HEATR1: variants seen among roughly 807,000 people sequenced by gnomAD.
HEATR1 encodes HEAT repeat containing 1, also known as HEAT repeat-containing protein 1.
HEATR1 carries 77 observed loss-of-function variants against 248.2 expected under a neutral mutation model. The ratio of observed to expected loss-of-function variants is 0.31; its 90% CI spans 0.26 to 0.37. HEATR1 has a LOEUF of 0.37. Ranked by LOEUF, HEATR1 falls within the 10% of genes least tolerant of loss-of-function variation. HEATR1 has a pLI of 1.00. For missense variants in HEATR1, 2,420 were observed against 2,504.9 expected (o/e 0.97, Z 0.72); for synonymous variants, 897 against 923.1 (o/e 0.97, Z 0.51).
rs915538579 is a variant in HEATR1, at chr1:236,595,412, G to C, written c.1090+128C>G. On this transcript the variant is annotated intron_variant, in intron 8 of 44. Transcript: ENST00000366582. ...CCAGATGTTTCTCACTTAAGAAATA[G>C]ACAAGTTACACAAGAACAACTGGAA... is the stretch of plus-strand genomic sequence containing the variant. The C allele has an allele frequency of 1.4e-5, 10 of 725,194 alleles. No individual in the cohort carries two copies. The South Asian group carries it at 2.4e-4, about 17-fold the overall frequency. 44.9% of individuals were successfully genotyped at this position (725,194 alleles called of 1,614,324 possible). A position where few individuals can be genotyped will look rare whatever the true frequency, so the allele number is the denominator to read the frequency against.
intron 36 of HEATR1, among the ~76,000 whole-genome samples, chr1:236,557,665 T>A (rs1663013999): frequency 6.6e-6 from 1 of 152,222 alleles, no homozygotes; most frequent in Non-Finnish European, 1.5e-5. Context: ...TGTCTCTGTT[T>A]TATAGACAGC....
At position 236,571,350 on chromosome 1, in the gene HEATR1, C is replaced by A; in HGVS notation, c.3948+1G>T. ...TAAAATCTTATATCATTAACGCTTA[C>A]CGGAAATATTCCAGCAACAGTGCCC... On this transcript the variant is annotated splice_donor_variant, in intron 28 of 44. Coordinates refer to ENST00000366582, the MANE Select transcript of HEATR1 (RefSeq NM_018072.6). LOFTEE classifies it high-confidence loss of function. 1.3e-6 allele frequency: 2 copies of A among 1,589,500 alleles called. No homozygotes were observed. Among genetic ancestry groups the A allele is most frequent in the African/African-American group, 1.4e-5 (1 of 73,280 alleles).
chr1:236,585,674 A>G (rs138013096), intron 16 of HEATR1, 146 bp downstream of exon 16: 1 of 649,152 alleles, frequency 1.5e-6, no homozygotes, highest in Non-Finnish European at 2.6e-6. Flanking sequence ...AGAATATATT[A>G]AACAACACTG....
chr1:236,556,061 C>G, intron 38 of HEATR1, 39 bp downstream of exon 38: 2 of 1,612,826 alleles, frequency 1.2e-6, no homozygotes, highest in Non-Finnish European at 1.7e-6. Context: ...AGTACCACCT[C>G]TCCCTTCTCC....
intron 8 of HEATR1, among the ~76,000 whole-genome samples, chr1:236,594,650 A>G (rs937435280): frequency 1.3e-5 from 2 of 152,218 alleles, no homozygotes; most frequent in African/African-American, 4.8e-5. Flanking sequence ...TCAAACCAAG[A>G]TTTGGTTACA....
chr1:236,598,394 A>G (rs754625793), intron 4 of HEATR1, among the ~76,000 whole-genome samples: 4 of 152,196 alleles, frequency 2.6e-5, no homozygotes, highest in Non-Finnish European at 4.4e-5. Context: ...CCCACCATCT[A>G]GCGTTGTACA....
chr1:236,553,981 G>A (rs1662862868), intron 42 of HEATR1, among the ~76,000 whole-genome samples: 1 of 152,172 alleles, frequency 6.6e-6, no homozygotes, highest in Non-Finnish European at 1.5e-5. Flanking sequence ...CTTTGCTCCA[G>A]AGGACAGCCA....
At chr1:236,586,122 C>A in intron 15 of HEATR1, 119 bp downstream of exon 15, 1 of 1,239,238 alleles carries the variant, frequency 8.1e-7, no homozygotes, top group Admixed American at 2.9e-5. Flanking sequence ...TTTATCTTGG[C>A]AAAAATTTTA....
chr1:236,551,033 T>A (rs538792739), intron 44 of HEATR1, 43 bp from the exon 45 acceptor site: 1 of 1,426,080 alleles, frequency 7.0e-7, no homozygotes, highest in Non-Finnish European at 9.5e-7. Context: ...TCTGAGTCAG[T>A]CCGCCTGCCT....
chr1:236,590,766 G>A, intron 12 of HEATR1, 81 bp downstream of exon 12: 1 of 559,898 alleles, frequency 1.8e-6, no homozygotes, highest in Admixed American at 3.8e-5. Context: ...CCACTTAGGT[G>A]GTAACTTCAA....
chr1:236,568,680 T>C (rs1572038170), intron 29 of HEATR1, among the ~76,000 whole-genome samples: 1 of 152,158 alleles, frequency 6.6e-6, no homozygotes, highest in Non-Finnish European at 1.5e-5. Flanking sequence ...CTGAAATAGA[T>C]GGTGGATGTC....
At chr1:236,554,356 C>A (rs575172497) in intron 42 of HEATR1, among the ~76,000 whole-genome samples, 1 of 152,324 alleles carries the variant, frequency 6.6e-6, no homozygotes, top group Non-Finnish European at 1.5e-5. Context: ...TGCACCACTG[C>A]ACTCCAGCCT....
rs1209664211 is a variant in HEATR1, at chr1:236,572,597, T to C, written c.3564-43A>G. 13 of 1,611,454 alleles carry C rather than the reference T, an allele frequency of 8.1e-6. No individual in the cohort carries two copies. In the African/African-American group the frequency reaches 1.1e-4, roughly 13 times the overall value. On this transcript the variant is annotated intron_variant, in intron 25 of 44. Transcript: ENST00000366582. The stretch of plus-strand genomic sequence containing the variant: ...CAAAACGTTGGAAAAGCAAACTCTA[T>C]CATGTGCTAAGTAAAAACCATTGTG...
intron 41 of HEATR1, among the ~76,000 whole-genome samples, 171 bp from the exon 42 acceptor site, chr1:236,554,923 T>C (rs1662915170): frequency 6.6e-6 from 1 of 152,234 alleles, no homozygotes; most frequent in Non-Finnish European, 1.5e-5. Flanking sequence ...CGAAGAATGA[T>C]TCCTTCTTTT....
Position 236,561,280 on chromosome 1 carries a change from TAA to T in HEATR1, c.4600-11_4600-10del. 6.2e-7 allele frequency: 1 copy of T among 1,606,424 alleles called. No individual in the cohort carries two copies. The highest frequency in any genetic ancestry group is 1.7e-5 in the Admixed American group (1 of 59,978). ...CCACCACTCTCAACTACCTAATTTTTAAAGAAGACGTCATTAGAACGGTAGGG... is the reference window on the plus strand; with the variant it reads ...CCACCACTCTCAACTACCTAATTTTTAGAAGACGTCATTAGAACGGTAGGG... On this transcript the variant is annotated splice_polypyrimidine_tract_variant and intron_variant, in intron 32 of 44. Transcript: ENST00000366582.
intron 35 of HEATR1, 35 bp from the exon 36 acceptor site, chr1:236,558,564 AGCTGC>A (rs1421237700): frequency 2.6e-6 from 4 of 1,567,978 alleles, no homozygotes; most frequent in Admixed American, 1.9e-5. Context: ...AAATCATTAA[AGCTGC>A]AAAAAATGTT....
In HEATR1 at chr1:236,572,411, C is replaced by T; in HGVS notation, c.3707G>A (p.Arg1236Lys). The T allele has an allele frequency of 6.2e-7, 1 of 1,613,972 alleles. No homozygotes were observed. Among genetic ancestry groups the T allele is most frequent in the Non-Finnish European group, 8.5e-7 (1 of 1,179,912 alleles). ...ACAGATCAAAGCCAAGTGTCATTAC[C>T]TTGATAGCAAGTTAAAAAGAGTTGG... ...LVPTLFNLLS[R>K]CLEPLPQEQG... The change falls in exon 26 of 45, where the codon AGA (arginine) becomes AAA (lysine). Residue 1236 changes from arginine to lysine, a missense_variant and splice_region_variant. Arg to Lys is a conservative substitution (Grantham distance 26). Transcript: ENST00000366582.
At chr1:236,560,443 G>T (rs1663101345) in intron 33 of HEATR1, among the ~76,000 whole-genome samples, 3 of 152,302 alleles carry the variant, frequency 2.0e-5, no homozygotes, top group South Asian at 2.1e-4. Flanking sequence ...CCTGAGGGGG[G>T]AGCTAGAGGG....
intron 14 of HEATR1, among the ~76,000 whole-genome samples, chr1:236,586,861 C>G (rs1443340983): frequency 6.6e-6 from 1 of 151,684 alleles, no homozygotes; most frequent in Non-Finnish European, 1.5e-5. Context: ...AAAAATGAAC[C>G]AAGCACATCC....
Sources: allele counts gnomAD v4.1 joint callset (sites outside exome capture counted in the v4.1 genomes callset), GRCh38; gene constraint gnomAD v4.1.1; transcripts MANE v1.5; gene names NCBI Gene and HGNC (gene_info 2026-07-23, HGNC 2026-07-21).